RASGRP1: variants seen among roughly 807,000 people sequenced by gnomAD.
The protein encoded by RASGRP1 is RAS guanyl releasing protein 1.
In RASGRP1, 37 loss-of-function variants were observed where a neutral mutation model predicts 95.1. The ratio of observed to expected loss-of-function variants is 0.39; its 90% confidence interval spans 0.30 to 0.51. The LOEUF (loss-of-function observed/expected upper bound fraction) is 0.51. Among genes scored for constraint, RASGRP1 ranks in the 20% least tolerant of loss-of-function variants. The pLI is 0.80. For missense variants in RASGRP1, 711 were observed against 965.4 expected, an observed-to-expected ratio of 0.74 and a Z score of 3.49; for synonymous variants, 325 against 353.4, an observed-to-expected ratio of 0.92 and a Z score of 0.90.
chr15:38,541,528 GCTGCACTGAGCCGTGATTGTGCCA>G (rs1246838362), intron 2 of RASGRP1, among the ~76,000 whole-genome samples: 53 of 152,264 alleles, frequency 3.5e-4, no homozygotes, highest in African/African-American at 1.2e-3. Flanking sequence ...GGAAGTGGAG[GCTGCACTGAGCCGTGATTGTGCCA>G]CTGCACTCCA....
At chr15:38,519,188 T>A in intron 4 of RASGRP1, 121 bp downstream of exon 4, 1 of 624,516 alleles carries the variant, frequency 1.6e-6, no homozygotes, top group African/African-American at 1.8e-5. Flanking sequence ...TATGAAGGAC[T>A]ACCCTTTTCC....
At chr15:38,495,974 A>G (rs1454083479) in intron 15 of RASGRP1, among the ~76,000 whole-genome samples, 1 of 152,186 alleles carries the variant, frequency 6.6e-6, no homozygotes, top group Non-Finnish European at 1.5e-5. Context: ...CACTTTGAGG[A>G]GCAAAAGGAA....
At chr15:38,491,994 C>T (rs889580068) in intron 16 of RASGRP1, among the ~76,000 whole-genome samples, 1 of 152,150 alleles carries the variant, frequency 6.6e-6, no homozygotes, top group Non-Finnish European at 1.5e-5. Flanking sequence ...TTCACAAGGA[C>T]CAAATAGGCT....
At chr15:38,556,142 T>G (rs540745429) in intron 2 of RASGRP1, among the ~76,000 whole-genome samples, 3 of 152,338 alleles carry the variant, frequency 2.0e-5, no homozygotes, top group East Asian at 3.9e-4. Context: ...TTTGCCTTAT[T>G]ATGCTCAGCT....
intron 2 of RASGRP1, among the ~76,000 whole-genome samples, chr15:38,536,557 G>A (rs1032691339): frequency 3.3e-5 from 5 of 152,184 alleles, no homozygotes; most frequent in Admixed American, 3.3e-4. Flanking sequence ...AATAATATAA[G>A]GCCCATCTGA....
chr15:38,519,259 T>A (rs762221298), intron 4 of RASGRP1, 50 bp downstream of exon 4: 1 of 1,469,784 alleles, frequency 6.8e-7, no homozygotes, highest in East Asian at 2.3e-5. Flanking sequence ...TGCTTCACCT[T>A]TCATTTCACC....
intron 2 of RASGRP1, among the ~76,000 whole-genome samples, chr15:38,545,759 C>T (rs1018059686): frequency 2.0e-5 from 3 of 152,114 alleles, no homozygotes. Context: ...TAATTTCAGG[C>T]ACTCCTAAGG....
At chr15:38,505,117 A>C (rs1891201841) in intron 10 of RASGRP1, 2 of 152,212 alleles carry the variant, frequency 1.3e-5, no homozygotes, top group African/African-American at 2.4e-5. Flanking sequence ...TAGCCACCCC[A>C]ATAGATGAGC....
intron 14 of RASGRP1, among the ~76,000 whole-genome samples, chr15:38,499,584 G>T (rs1475938132): frequency 6.6e-6 from 1 of 152,182 alleles, no homozygotes; most frequent in Non-Finnish European, 1.5e-5. Context: ...ATTCACCGGG[G>T]GTGTCCGAGG....
chr15:38,542,939 A>G (rs150924933), intron 2 of RASGRP1, among the ~76,000 whole-genome samples: 2,468 of 145,094 alleles, frequency 0.017, 23 homozygotes, highest in Non-Finnish European at 0.019. Context: ...ATGTGTGTGT[A>G]TATATATATA....
chr15:38,499,049 G>A (rs533102381), intron 14 of RASGRP1, 103 bp from the exon 15 acceptor site: 3 of 1,455,012 alleles, frequency 2.1e-6, no homozygotes, highest in South Asian at 1.1e-5. Context: ...ACACATGTCT[G>A]TTCTATCTTC....
At chr15:38,520,847 C>T (rs936703728) in intron 3 of RASGRP1, among the ~76,000 whole-genome samples, 9 of 152,088 alleles carry the variant, frequency 5.9e-5, no homozygotes, top group African/African-American at 1.4e-4. Context: ...CTTATGGAAA[C>T]AGTAAGATTT....
chr15:38,560,946 GTTGA>G (rs1353258698), intron 1 of RASGRP1, among the ~76,000 whole-genome samples: 1 of 152,148 alleles, frequency 6.6e-6, no homozygotes, highest in African/African-American at 2.4e-5. Flanking sequence ...GATTTGGGAA[GTTGA>G]TTGTCTTCTC....
chr15:38,535,839 T>A (rs1016264393), intron 2 of RASGRP1, among the ~76,000 whole-genome samples: 2 of 152,214 alleles, frequency 1.3e-5, no homozygotes, highest in Non-Finnish European at 2.9e-5. Context: ...CCTTGGGGAT[T>A]GCAGTCTCGA....
At chr15:38,541,822 C>T (rs1892874570) in intron 2 of RASGRP1, among the ~76,000 whole-genome samples, 1 of 152,060 alleles carries the variant, frequency 6.6e-6, no homozygotes, top group Non-Finnish European at 1.5e-5. Flanking sequence ...ACAGGCAATA[C>T]TACAGTACAT....
intron 2 of RASGRP1, among the ~76,000 whole-genome samples, chr15:38,530,308 C>T (rs966490299): frequency 2.0e-5 from 3 of 152,148 alleles, no homozygotes; most frequent in Non-Finnish European, 4.4e-5. Context: ...TTGGAGCTGG[C>T]GTGCTGTTTC....
Position 38,519,128 on chromosome 15 carries a change from A to C in RASGRP1, c.389+181T>G, listed in dbSNP as rs199861998. Among the ~76,000 whole-genome samples, 5 of 152,306 alleles carry C rather than the reference A, an allele frequency of 3.3e-5. No individual in the cohort carries two copies. The East Asian group carries it at 9.6e-4, about 29-fold the overall frequency. ...TCATTTGATACCAAAGACTGAAAAA[A>C]GGTTGGTATAAAATAATTAAGCTCA... is the stretch of plus-strand genomic sequence containing the variant. On this transcript the variant is annotated intron_variant, in intron 4 of 16. Transcript: ENST00000310803.
In RASGRP1 at chr15:38,489,379, T is replaced by G. The variant is rs1354073038; in HGVS notation, c.*1175A>C. The G allele has an allele frequency of 6.6e-6, 1 of 152,086 alleles. No homozygotes were observed. Among genetic ancestry groups the G allele is most frequent in the Non-Finnish European group, 1.5e-5 (1 of 67,910 alleles). 9.4% of individuals were successfully genotyped at this position (152,086 alleles called of 1,614,324 possible). The stretch of plus-strand genomic sequence containing the variant: ...AACTCACAGGATTGTTACTTGTGAT[T>G]TTGCCAAACAATACAATTTTACCTT... On this transcript the variant is annotated 3_prime_UTR_variant, in exon 17 of 17. Transcript: ENST00000310803.
At chr15:38,508,115 T>C (rs929611986) in intron 8 of RASGRP1, 114 bp from the exon 9 acceptor site, 5 of 1,221,854 alleles carry the variant, frequency 4.1e-6, no homozygotes, top group Admixed American at 2.6e-5. Flanking sequence ...CCAGAATTTG[T>C]TGAGCAGGGG....
Sources: allele counts gnomAD v4.1 joint callset (sites outside exome capture counted in the v4.1 genomes callset), GRCh38; gene constraint gnomAD v4.1.1; transcripts MANE v1.5; gene names NCBI Gene and HGNC (gene_info 2026-07-23, HGNC 2026-07-21).